KIF4A: variants seen among roughly 807,000 people sequenced by gnomAD.
KIF4A encodes chromosome-associated kinesin KIF4A.
Under a neutral mutation model 105.9 loss-of-function variants are expected in KIF4A, and 7 were observed. The observed-to-expected ratio is 0.07, with a 90% CI of 0.04 to 0.12. The LOEUF is 0.12. Ranked by LOEUF, KIF4A falls within the 10% of genes least tolerant of loss-of-function variation. The pLI is 1.00. For missense variants in KIF4A, 558 were observed against 929.2 expected (o/e 0.60, Z 5.19); for synonymous variants, 281 against 331.3 (o/e 0.85, Z 1.65).
chrX:70,393,799 C>CTCTTTCTTTCTTTCTT (rs1226256913), intron 20 of KIF4A, among the ~76,000 whole-genome samples: 2 of 58,560 alleles, frequency 3.4e-5, no homozygotes, highest in African/African-American at 1.5e-4. Flanking sequence ...CTTTTCTTTT[C>CTCTTTCTTTCTTTCTT]TCTTTCTTTC....
chrX:70,295,804 C>G (rs1358724636), intron 3 of KIF4A, among the ~76,000 whole-genome samples: 1 of 107,586 alleles, frequency 9.3e-6, no homozygotes, highest in Non-Finnish European at 1.9e-5. Context: ...GTAATCCCAG[C>G]TACTCGGGAG....
At chrX:70,309,641 A>G (rs746373519) in intron 7 of KIF4A, among the ~76,000 whole-genome samples, 5 of 112,773 alleles carry the variant, frequency 4.4e-5, no homozygotes, top group African/African-American at 1.6e-4. Flanking sequence ...ACAGTGCGAT[A>G]CTTTGATATA....
chrX:70,364,241 T>A (rs772179578), intron 15 of KIF4A, among the ~76,000 whole-genome samples: 115 of 111,892 alleles, frequency 1.0e-3, no homozygotes, highest in African/African-American at 3.6e-3. Context: ...GCTCCTTAGT[T>A]TAATTAGATC....
In KIF4A at chrX:70,376,177, A is replaced by C; in HGVS notation, c.2001A>C (p.Lys667Asn). The change falls in exon 18 of 31, where the codon AAA becomes AAC. Residue 667 changes from lysine (K) to asparagine (N), a missense_variant. Around this residue, in one of 2 missense-constraint regions of KIF4A, gnomAD observed 469 missense variants for 680.4 expected, o/e 0.69. Transcript: ENST00000374403. Reference sequence around the variant, plus strand: ...AGAAGTTTAGACAGTGGAAGCAGAAAAAAGACAAAGAAGTAATACAGTTAA... The same window carrying C: ...AGAAGTTTAGACAGTGGAAGCAGAACAAAGACAAAGAAGTAATACAGTTAA... The part of the protein sequence containing the change: ...DAEKFRQWKQ[K>N]KDKEVIQLKE... 9 of 1,199,244 alleles carry C rather than the reference A, an allele frequency of 7.5e-6. No individual in the cohort carries two copies. The highest frequency in any genetic ancestry group is 1.0e-5 in the Non-Finnish European group (9 of 884,199).
At position 70,395,834 on chromosome X, in the gene KIF4A, C is replaced by T. The variant is rs768203177; in HGVS notation, c.2388+8C>T. 1.4e-4 allele frequency: 167 copies of T among 1,208,073 alleles called. No homozygotes were observed. Among genetic ancestry groups the T allele is most frequent in the South Asian group, 2.3e-4 (13 of 56,613 alleles). ...CCACCTCCTAAACTCCGGGTAAGTACGCTTATGAAAAAATGTTGCCAATAA... is the reference window on the plus strand; with the variant it reads ...CCACCTCCTAAACTCCGGGTAAGTATGCTTATGAAAAAATGTTGCCAATAA... On this transcript the variant is annotated splice_region_variant and intron_variant, in intron 21 of 30. Transcript: ENST00000374403.
At chrX:70,407,197 T>A in intron 28 of KIF4A, 122 bp downstream of exon 28, 1 of 767,221 alleles carries the variant, frequency 1.3e-6, no homozygotes, top group Non-Finnish European at 1.8e-6. Flanking sequence ...AACCTCTGCC[T>A]CCCAAGTTCA....
chrX:70,304,649 CTTTTTTTTTTTTT>C (rs138222376), intron 7 of KIF4A, among the ~76,000 whole-genome samples: 4 of 51,537 alleles, frequency 7.8e-5, no homozygotes, highest in African/African-American at 3.4e-4. Flanking sequence ...TACTTCATTC[CTTTTTTTTTTTTT>C]TTTTTTTTTT....
At chrX:70,360,306 T>G (rs1422819011) in intron 15 of KIF4A, among the ~76,000 whole-genome samples, 3 of 112,782 alleles carry the variant, frequency 2.7e-5, no homozygotes, top group African/African-American at 9.7e-5. Flanking sequence ...ACGTTAACAG[T>G]CTTACCTGCT....
rs184580386 is a variant in KIF4A at position 70,404,296 on chromosome X, C to T, written c.2790+262C>T. On this transcript the variant is annotated intron_variant, in intron 24 of 30. Coordinates refer to ENST00000374403, the MANE Select transcript of KIF4A (RefSeq NM_012310.5). The stretch of plus-strand genomic sequence containing the variant: ...GAGAAACAGGCCCAGCGTGGTGGCT[C>T]GTGCCTGTAATCCCAGCACTTTGGG... Among the ~76,000 whole-genome samples the T allele has an allele frequency of 5.2e-3, 579 of 111,237 alleles. 26 individuals are homozygous for T. In the East Asian group the frequency reaches 0.094, roughly 18 times the overall value.
intron 17 of KIF4A, 51 bp from the exon 18 acceptor site, chrX:70,376,049 C>A: frequency 1.2e-6 from 1 of 865,634 alleles, no homozygotes; most frequent in Non-Finnish European, 1.7e-6. Flanking sequence ...CCGCACCAGC[C>A]TAGAATAAAC....
At chrX:70,394,623 A>G (rs918042330) in intron 20 of KIF4A, among the ~76,000 whole-genome samples, 1 of 112,031 alleles carries the variant, frequency 8.9e-6, no homozygotes, top group African/African-American at 3.2e-5. Context: ...CTATTGTGTC[A>G]TCTGTTCTTC....
intron 18 of KIF4A, among the ~76,000 whole-genome samples, chrX:70,382,790 C>CA (rs752261480): frequency 3.1e-3 from 166 of 54,282 alleles, no homozygotes; most frequent in East Asian, 0.017. Flanking sequence ...CCATCTCTAA[C>CA]AAAAAAAAAA....
At chrX:70,317,248 A>G (rs1349888368) in intron 7 of KIF4A, among the ~76,000 whole-genome samples, 1 of 111,098 alleles carries the variant, frequency 9.0e-6, no homozygotes, top group Admixed American at 9.6e-5. Context: ...CTACTGTCCT[A>G]TCTCCTTCCC....
intron 28 of KIF4A, among the ~76,000 whole-genome samples, chrX:70,413,507 G>A (rs780484229): frequency 1.4e-3 from 151 of 109,918 alleles, no homozygotes; most frequent in Non-Finnish European, 2.0e-3. Flanking sequence ...GATGGCGCAC[G>A]CCTGTAATCC....
chrX:70,378,860 GA>G (rs368821747), intron 18 of KIF4A, among the ~76,000 whole-genome samples: 3 of 104,900 alleles, frequency 2.9e-5, no homozygotes, highest in Admixed American at 1.0e-4. Context: ...GCCTTAATAA[GA>G]AAAAAAAAGA....
At chrX:70,292,774 C>T (rs2085766141) in intron 3 of KIF4A, among the ~76,000 whole-genome samples, 1 of 111,899 alleles carries the variant, frequency 8.9e-6, no homozygotes, top group Non-Finnish European at 1.9e-5. Context: ...TCAGGCTATA[C>T]CTCCACAGCT....
intron 15 of KIF4A, among the ~76,000 whole-genome samples, chrX:70,373,848 A>G (rs200482436): frequency 1.1e-5 from 1 of 93,628 alleles, no homozygotes; most frequent in Admixed American, 1.3e-4. Context: ...ACACACACAT[A>G]CACACACACA....
chrX:70,357,175 A>G (rs2086055017), intron 15 of KIF4A, among the ~76,000 whole-genome samples: 1 of 111,103 alleles, frequency 9.0e-6, no homozygotes. Flanking sequence ...TTAGCCGAGC[A>G]TGGTGGCGGG....
In KIF4A at chrX:70,404,019, A is replaced by G. The variant is rs766902198; in HGVS notation, c.2775A>G (p.Gln925=). ...ELQAELVRME[Q]QHQEKVLYLL... ...AAGCTGAGCTGGTCAGAATGGAGCA[A>G]CAGCACCAAGAGAAGGTAAACTCTA... Residue 925 remains glutamine, a synonymous_variant, in exon 24 of 31, where the codon CAA becomes CAG. Coordinates refer to ENST00000374403, the MANE Select transcript of KIF4A (RefSeq NM_012310.5). 8.3e-7 allele frequency: 1 copy of G among 1,211,709 alleles called. No homozygotes were observed. Among genetic ancestry groups the G allele is most frequent in the Non-Finnish European group, 1.1e-6 (1 of 895,358 alleles).
Sources: allele counts gnomAD v4.1 joint callset (sites outside exome capture counted in the v4.1 genomes callset), GRCh38; gene constraint gnomAD v4.1.1; regional missense constraint gnomAD v4.1.1; transcripts MANE v1.5; gene names NCBI Gene and HGNC (gene_info 2026-07-23, HGNC 2026-07-21).